ZNF83: variants seen among roughly 807,000 people sequenced by gnomAD.
ZNF83 encodes the protein zinc finger protein 816B.
For synonymous variants in ZNF83, 209 were observed against 213.0 expected, an observed-to-expected ratio of 0.98 and a Z score of 0.17; for missense variants, 552 against 629.9, an observed-to-expected ratio of 0.88 and a Z score of 1.32.
intron 1 of ZNF83, among the ~76,000 whole-genome samples, chr19:52,685,325 G>A (rs899447493): frequency 6.6e-5 from 10 of 152,244 alleles, no homozygotes; most frequent in African/African-American, 2.4e-4. Context: ...AGGTGTGTCT[G>A]AATTCTTACA....
chr19:52,653,849 G>A (rs1047436749), intron 3 of ZNF83, among the ~76,000 whole-genome samples: 1 of 152,202 alleles, frequency 6.6e-6, no homozygotes, highest in African/African-American at 2.4e-5. Flanking sequence ...GTTACATGAT[G>A]TCTTCTTAAA....
At chr19:52,640,895 T>C (rs962006807), upstream of ZNF83, among the ~76,000 whole-genome samples, 12 of 152,248 alleles carry the variant, frequency 7.9e-5, no homozygotes, top group Non-Finnish European at 1.3e-4. Flanking sequence ...GCAGGAAACA[T>C]CCCTGTGATA....
intron 1 of ZNF83, among the ~76,000 whole-genome samples, chr19:52,683,262 GTGTGTGTGTGTGTGT>G (rs1387716767): frequency 2.3e-5 from 2 of 86,326 alleles, no homozygotes; most frequent in African/African-American, 8.1e-5. Flanking sequence ...GTGTGTGTGT[GTGTGTGTGTGTGTGT>G]GTGTATGCTC....
At chr19:52,658,098 T>G (rs893014909) in intron 2 of ZNF83, among the ~76,000 whole-genome samples, 2 of 149,426 alleles carry the variant, frequency 1.3e-5, no homozygotes, top group African/African-American at 4.9e-5. Context: ...TTCATGCCAT[T>G]GCACTCCACC....
chr19:52,670,936 G>A (rs2061716506), intron 1 of ZNF83, among the ~76,000 whole-genome samples: 1 of 152,182 alleles, frequency 6.6e-6, no homozygotes, highest in African/African-American at 2.4e-5. Context: ...TTCTTTTGAA[G>A]TCCTCTGCTG....
At chr19:52,673,306 A>G (rs567384277) in intron 1 of ZNF83, among the ~76,000 whole-genome samples, 2 of 152,180 alleles carry the variant, frequency 1.3e-5, no homozygotes, top group East Asian at 3.9e-4. Flanking sequence ...AGAGTTCGAG[A>G]CCAGCCTGAC....
chr19:52,686,081 G>C (rs1271435287), intron 1 of ZNF83, among the ~76,000 whole-genome samples: 2 of 151,990 alleles, frequency 1.3e-5, no homozygotes, highest in Non-Finnish European at 2.9e-5. Flanking sequence ...CTGAAAAATA[G>C]ACTAACTGGT....
intron 1 of ZNF83, among the ~76,000 whole-genome samples, chr19:52,664,817 G>A (rs2061627560): frequency 6.6e-6 from 1 of 152,080 alleles, no homozygotes; most frequent in South Asian, 2.1e-4. Context: ...AGGGGTCAGG[G>A]CCTGAGCTTC....
At chr19:52,628,864 G>A (rs994327009) in intron 2 of ZNF83, among the ~76,000 whole-genome samples, 7 of 147,632 alleles carry the variant, frequency 4.7e-5, no homozygotes, top group African/African-American at 1.8e-4. Context: ...ATATATCTCT[G>A]TGCCCCAACC....
At chr19:52,629,293 TCGGTCCCTGTGCC>T (rs539401698) in intron 2 of ZNF83, among the ~76,000 whole-genome samples, 1 of 152,124 alleles carries the variant, frequency 6.6e-6, no homozygotes, top group South Asian at 2.1e-4. Context: ...CTTTTACACA[TCGGTCCCTGTGCC>T]CAGTCTCTGT....
intron 3 of ZNF83, chr19:52,655,537 C>T (rs2061493688): frequency 7.5e-6 from 11 of 1,471,310 alleles, no homozygotes; most frequent in Non-Finnish European, 1.0e-5. Context: ...AGATTCCTCA[C>T]ATCAGGAGGG....
intron 1 of ZNF83, among the ~76,000 whole-genome samples, chr19:52,665,190 G>C (rs1042781419): frequency 1.3e-5 from 2 of 152,076 alleles, no homozygotes; most frequent in African/African-American, 4.8e-5. Flanking sequence ...CTTTCCTAGA[G>C]CCACTGCCTG....
At position 52,619,754 on chromosome 19, in the gene ZNF83, G is replaced by A. The variant is rs117130742; in HGVS notation, c.-233-4957C>T. On this transcript the variant is annotated intron_variant, in intron 2 of 2. Coordinates refer to ENST00000301096, the Ensembl canonical transcript of ZNF83. Reference sequence around the variant, plus strand: ...CACAGTGAAATAGCCGGGCTCAATGGCACATGCCTGTAATCCCAGCTACAT... The same window carrying A: ...CACAGTGAAATAGCCGGGCTCAATGACACATGCCTGTAATCCCAGCTACAT... 3.9e-4 allele frequency among the ~76,000 whole-genome samples: 59 copies of A among 152,196 alleles called. No individual in the cohort carries two copies. The East Asian group carries it at 0.011, about 27-fold the overall frequency.
intron 2 of ZNF83, among the ~76,000 whole-genome samples, chr19:52,626,027 A>T (rs532305640): frequency 2.2e-4 from 34 of 152,270 alleles, no homozygotes; most frequent in Middle Eastern, 3.4e-3. Flanking sequence ...TCGGACAGGG[A>T]CATGTACACT....
chr19:52,678,469 AAAG>A (rs1232209058), intron 1 of ZNF83, among the ~76,000 whole-genome samples: 1 of 151,564 alleles, frequency 6.6e-6, no homozygotes, highest in Non-Finnish European at 1.5e-5. Flanking sequence ...AAAAAAGAAA[AAAG>A]AAAAAAAAAC....
chr19:52,635,055 T>C lies in ZNF83; in HGVS notation c.-234+11A>G, dbSNP rs1190410939. On this transcript the variant is annotated intron_variant, in intron 2 of 2. Coordinates refer to ENST00000301096, the Ensembl canonical transcript of ZNF83. ...AAGAGACAGAACAATCCACCGAGAA[T>C]ATCATCTCACCTGAGGAAGAACCAT... The C allele has an allele frequency of 2.7e-6, 2 of 737,644 alleles. No individual in the cohort carries two copies. The highest frequency in any genetic ancestry group is 3.9e-5 in the Admixed American group (2 of 51,004). The allele number at this position is 737,644 out of a possible 1,614,324, so 45.7% of individuals were successfully genotyped here. A position where few individuals can be genotyped will look rare whatever the true frequency, so the allele number is the denominator to read the frequency against.
exon 3 of ZNF83, chr19:52,612,445 A>AT (rs1394681466): frequency 6.5e-6 from 1 of 152,762 alleles, no homozygotes; most frequent in Admixed American, 6.5e-5. Context: ...TGAAAGGCTT[A>AT]TTACATTATC....
At chr19:52,665,908 C>T (rs1229879958) in intron 1 of ZNF83, among the ~76,000 whole-genome samples, 1 of 151,972 alleles carries the variant, frequency 6.6e-6, no homozygotes, top group Non-Finnish European at 1.5e-5. Context: ...CACCTGTAAT[C>T]CCCCCACTTT....
intron 3 of ZNF83, chr19:52,652,820 C>T (rs1464474012): frequency 1.3e-5 from 12 of 924,374 alleles, no homozygotes; most frequent in South Asian, 1.1e-4. Flanking sequence ...TAAGGATTTT[C>T]TCCAGTATGA....
Sources: allele counts gnomAD v4.1 joint callset (sites outside exome capture counted in the v4.1 genomes callset), GRCh38; gene constraint gnomAD v4.1.1; transcripts MANE v1.5; gene names NCBI Gene and HGNC (gene_info 2026-07-23, HGNC 2026-07-21).